Variants in PER1 observed in about 807,000 individuals in gnomAD.
PER1 encodes the protein period circadian protein homolog 1.
PER1 carries 87 observed loss-of-function variants against 125.9 expected under a neutral mutation model. The observed-to-expected ratio is 0.69, with a 90% confidence interval of 0.58 to 0.83. The LOEUF is 0.83. Among genes scored for constraint, PER1 ranks in the 40% least tolerant of loss-of-function variants. The pLI is 0.00. For synonymous variants in PER1, 801 were observed against 714.7 expected (o/e 1.12, Z -1.93); for missense variants, 1,775 against 1,722.8 (o/e 1.03, Z -0.54).
Position 8,141,326 on chromosome 17 carries a change from A to G in PER1, c.3615T>C (p.Cys1205=). The change falls in exon 23 of 23, where the codon TGT becomes TGC. Residue 1205 remains cysteine, a synonymous_variant. Transcript: ENST00000317276. ...GACCAGGATCTTGGGTGCTGCTCCC[A>G]CAGTCCACACAGGCCTTGGTGAGAG... ...RALDVMACVD[C]GSSTQDPGHP... The G allele has an allele frequency of 6.2e-7, 1 of 1,609,174 alleles. No homozygotes were observed.
chr17:8,148,951 G>A (rs1982638887), intron 7 of PER1, 165 bp from the exon 8 acceptor site: 1 of 759,774 alleles, frequency 1.3e-6, no homozygotes, highest in Non-Finnish European at 2.1e-6. Context: ...CACTTTGGGA[G>A]GCCAAGGCAG....
Position 8,150,857 on chromosome 17 carries a change from G to A in PER1, c.-139-12C>T, listed in dbSNP as rs1033874652. On this transcript the variant is annotated splice_polypyrimidine_tract_variant and intron_variant, in intron 1 of 22. Transcript: ENST00000317276. The stretch of plus-strand genomic sequence containing the variant: ...ATCACAGCCAGTACCTGGAGAGGGA[G>A]ACCAGGAAGCAGGGCTTGCAGAAAG... The A allele has an allele frequency of 2.4e-5, 16 of 665,134 alleles. No individual in the cohort carries two copies. The highest frequency in any genetic ancestry group is 7.3e-5 in the African/African-American group (4 of 54,860). 41.2% of individuals were successfully genotyped at this position (665,134 alleles called of 1,614,324 possible).
Position 8,143,438 on chromosome 17 carries a change from T to C in PER1, c.2900A>G (p.His967Arg). The C allele has an allele frequency of 1.2e-6, 2 of 1,609,066 alleles. No individual in the cohort carries two copies. Among genetic ancestry groups the C allele is most frequent in the East Asian group, 2.2e-5 (1 of 44,614 alleles). Residue 967 changes from histidine (H) to arginine (R), a missense_variant, in exon 19 of 23, where the codon CAC becomes CGC. By Grantham distance (29) the His-to-Arg change is conservative. Coordinates refer to ENST00000317276, the MANE Select transcript of PER1 (RefSeq NM_002616.3). ...GTTGAACAGTGGAGAGTCCGGGCGG[T>C]GAGGAGGACTCGGGGCGAGGGCGGG... ...SLPALAPSPP[H>R]RPDSPLFNSR...
At position 8,141,790 on chromosome 17, in the gene PER1, C is replaced by T. The variant is rs1982095891; in HGVS notation, c.3600+15G>A. The T allele has an allele frequency of 1.4e-6, 2 of 1,413,630 alleles. No individual in the cohort carries two copies. Among genetic ancestry groups the T allele is most frequent in the African/African-American group, 1.8e-5 (1 of 55,936 alleles). 87.6% of individuals were successfully genotyped at this position (1,413,630 alleles called of 1,614,324 possible). Reference sequence around the variant, plus strand: ...AGCTCAATTCTTTTTTCTCCCCGTCCCAGGCTTCTCTCACCATCACATCAA... The same window carrying T: ...AGCTCAATTCTTTTTTCTCCCCGTCTCAGGCTTCTCTCACCATCACATCAA... On this transcript the variant is annotated intron_variant, in intron 22 of 22. Coordinates refer to ENST00000317276, the MANE Select transcript of PER1 (RefSeq NM_002616.3).
At position 8,144,891 on chromosome 17, in the gene PER1, C is replaced by T. The variant is rs142186171; in HGVS notation, c.2321G>A (p.Arg774His). The T allele has an allele frequency of 1.5e-5, 23 of 1,560,682 alleles. No homozygotes were observed. Among genetic ancestry groups the T allele is most frequent in the East Asian group, 9.2e-5 (4 of 43,378 alleles). ...CACGGCCTTGGTCAGCCCCACTGGA[C>T]GGTAGGCGTCTGGGGCTGGGTCAGG... ...VAPDPAPDAY[R>H]PVGLTKAVLS... The change falls in exon 18 of 23, where the codon CGT becomes CAT. Residue 774 changes from arginine (R) to histidine (H), a missense_variant. Physicochemically the swap from Arg to His is conservative, Grantham distance 29. Transcript: ENST00000317276.
intron 18 of PER1, chr17:8,144,205 C>T (rs2151859793): frequency 4.9e-6 from 2 of 406,554 alleles, no homozygotes; most frequent in Non-Finnish European, 4.4e-6. Flanking sequence ...GGCTCTGGTC[C>T]GCCAAACTCC....
At chr17:8,147,961 A>T (rs1982564854) in intron 10 of PER1, 36 bp downstream of exon 10, 2 of 1,593,806 alleles carry the variant, frequency 1.3e-6, no homozygotes, top group Admixed American at 1.7e-5. Flanking sequence ...AAAGCCCAGG[A>T]CAGTGGGAAG....
chr17:8,141,043 C>T lies in PER1; in HGVS notation c.*25G>A. The T allele has an allele frequency of 6.3e-7, 1 of 1,595,572 alleles. No individual in the cohort carries two copies. Among genetic ancestry groups the T allele is most frequent in the Non-Finnish European group, 8.6e-7 (1 of 1,168,670 alleles). ...AGGAGAAGAAAGCCTCTCATGGACT[C>T]CTGGAGATGGTCCCAGAATGGAGTC... On this transcript the variant is annotated 3_prime_UTR_variant, in exon 23 of 23. Coordinates refer to ENST00000317276, the MANE Select transcript of PER1 (RefSeq NM_002616.3).
In PER1 at chr17:8,147,301, G is replaced by A. The variant is rs759333563; in HGVS notation, c.1578C>T (p.Ser526=). The change falls in exon 13 of 23, where the codon TCC becomes TCT. Residue 526 remains serine (S), a synonymous_variant. Coordinates refer to ENST00000317276, the MANE Select transcript of PER1 (RefSeq NM_002616.3). ...TSPGPLHSPG[S]SSDSNGGDAE... ...CATCACCCCCGTTGCTATCACTGGA[G>A]GACCCAGGGCTGTGGAGAGGGCCTG... 1.2e-6 allele frequency: 2 copies of A among 1,613,522 alleles called. No individual in the cohort carries two copies. The highest frequency in any genetic ancestry group is 1.7e-5 in the Admixed American group (1 of 59,972).
chr17:8,144,723 C>A, intron 18 of PER1, 28 bp downstream of exon 18: 2 of 1,548,314 alleles, frequency 1.3e-6, no homozygotes, highest in Admixed American at 1.9e-5. Context: ...GGGCAGAGGG[C>A]AGGCTCCAGG....
chr17:8,148,517 T>C (rs936914501), intron 8 of PER1, 127 bp downstream of exon 8: 8 of 1,225,330 alleles, frequency 6.5e-6, no homozygotes, highest in East Asian at 4.7e-5. Context: ...CAAATCCTCA[T>C]CTTTACAATA....
Position 8,142,885 on chromosome 17 carries a change from C to T in PER1, c.3073-50G>A, listed in dbSNP as rs761566844. The T allele has an allele frequency of 6.4e-6, 9 of 1,412,490 alleles. No individual in the cohort carries two copies. The African/African-American group carries it at 7.1e-5, about 11-fold the overall frequency. 87.5% of individuals were successfully genotyped at this position (1,412,490 alleles called of 1,614,324 possible). A position where few individuals can be genotyped will look rare whatever the true frequency, so the allele number is the denominator to read the frequency against. On this transcript the variant is annotated intron_variant, in intron 19 of 22. Coordinates refer to ENST00000317276, the MANE Select transcript of PER1 (RefSeq NM_002616.3). ...AGGGATGGAGGGGTCAGCACCTAGG[C>T]CTCCCTTCAACTGCTCTTACTGGTT...
rs146151077 is a variant in PER1, at chr17:8,142,640, G to A, written c.3259+9C>T. 11,343 of 1,613,094 alleles carry A rather than the reference G, an allele frequency of 7.0e-3. 48 individuals are homozygous for A. The highest frequency in any genetic ancestry group is 8.5e-3 in the Non-Finnish European group (9,983 of 1,179,352). The stretch of plus-strand genomic sequence containing the variant: ...CTACCCTGGGAGATGCTGGAGGCGG[G>A]GTACTCACGAGTGATGCTGGCTGAG... On this transcript the variant is annotated intron_variant, in intron 20 of 22. Coordinates refer to ENST00000317276, the MANE Select transcript of PER1 (RefSeq NM_002616.3).
rs774331616 is a variant in PER1 at position 8,149,593 on chromosome 17, A to C, written c.722T>G (p.Leu241Arg). The change falls in exon 6 of 23, where the codon CTG becomes CGG. Residue 241 changes from leucine to arginine, a missense_variant. Coordinates refer to ENST00000317276, the MANE Select transcript of PER1 (RefSeq NM_002616.3). ...GAACACGTCCCGCTTGCAACGCAGC[A>C]GGACGGCTGCCTGCTCCGAAATGTA... ...IVYISEQAAVLLRCKRDVFRG... is the reference protein window; with the variant it reads ...IVYISEQAAVRLRCKRDVFRG... The C allele has an allele frequency of 1.9e-6, 3 of 1,613,560 alleles. No individual in the cohort carries two copies. In the South Asian group the frequency reaches 3.3e-5, roughly 18 times the overall value.
At position 8,146,758 on chromosome 17, in the gene PER1, G is replaced by A. The variant is rs1325043022; in HGVS notation, c.1743C>T (p.Gly581=). The A allele has an allele frequency of 1.9e-6, 3 of 1,609,706 alleles. No homozygotes were observed. Among genetic ancestry groups the A allele is most frequent in the Admixed American group, 1.7e-5 (1 of 58,714 alleles). ...AGGGAAGGGCCTTGGCCTTGAACGTGCCTGTAGCTGGGGCAAAGAGAGAAA... is the reference window on the plus strand; with the variant it reads ...AGGGAAGGGCCTTGGCCTTGAACGTACCTGTAGCTGGGGCAAAGAGAGAAA... ...PQSRPRLPAT[G]TFKAKALPCQ... is the part of the protein sequence containing the mutation. Residue 581 remains glycine (G), a synonymous_variant, in exon 15 of 23, where the codon GGC becomes GGT. Transcript: ENST00000317276.
In PER1 at chr17:8,140,882, T is replaced by C; in HGVS notation, c.*186A>G. 1.6e-6 allele frequency: 1 copy of C among 636,604 alleles called. No individual in the cohort carries two copies. Among genetic ancestry groups the C allele is most frequent in the Non-Finnish European group, 2.7e-6 (1 of 369,550 alleles). The allele number at this position is 636,604 out of a possible 1,614,324, so 39.4% of individuals were successfully genotyped here. ...TGGGCTGGGCTGCGGAGTTCTGCTC[T>C]CTGCTCCCTAAGAGGCCAGAGGCAG... On this transcript the variant is annotated 3_prime_UTR_variant, in exon 23 of 23. Coordinates refer to ENST00000317276, the MANE Select transcript of PER1 (RefSeq NM_002616.3).
At position 8,142,361 on chromosome 17, in the gene PER1, G is replaced by A. The variant is rs755144407; in HGVS notation, c.3357C>T (p.Asp1119=). The part of the protein sequence containing the change: ...GAARGGAEPG[D]QVIKYVLQDP... ...CCTGGAGCACGTACTTAATCACCTGGTCCCCAGGCTCAGCCCCGCCCCGAG... is the reference window on the plus strand; with the variant it reads ...CCTGGAGCACGTACTTAATCACCTGATCCCCAGGCTCAGCCCCGCCCCGAG... Residue 1119 remains aspartate (D), a synonymous_variant, in exon 21 of 23, where the codon GAC becomes GAT. Coordinates refer to ENST00000317276, the MANE Select transcript of PER1 (RefSeq NM_002616.3). 89 of 1,613,720 alleles carry A rather than the reference G, an allele frequency of 5.5e-5. No homozygotes were observed. Among genetic ancestry groups the A allele is most frequent in the Non-Finnish European group, 7.5e-5 (88 of 1,179,942 alleles).
chr17:8,146,025 G>A lies in PER1; in HGVS notation c.2151C>T (p.Ser717=), dbSNP rs780086624. 5.0e-6 allele frequency: 8 copies of A among 1,613,984 alleles called. No homozygotes were observed. Among genetic ancestry groups the A allele is most frequent in the South Asian group, 3.3e-5 (3 of 91,068 alleles). ...AGCTGAAGCTACACTGACTGGTGACGGACACCACACTCTCCGCCTTATTGG... is the reference window on the plus strand; with the variant it reads ...AGCTGAAGCTACACTGACTGGTGACAGACACCACACTCTCCGCCTTATTGG... The part of the protein sequence containing the change: ...ALANKAESVV[S]VTSQCSFSST... Residue 717 remains serine (S), a synonymous_variant, in exon 17 of 23, where the codon TCC becomes TCT. Coordinates refer to ENST00000317276, the MANE Select transcript of PER1 (RefSeq NM_002616.3).
chr17:8,142,592 C>T, intron 20 of PER1, 57 bp downstream of exon 20: 1 of 1,593,436 alleles, frequency 6.3e-7, no homozygotes, highest in Non-Finnish European at 8.6e-7. Flanking sequence ...GGGGCCTGGG[C>T]TCCCGGCTCC....
Sources: gnomAD v4.1 joint callset for allele counts on GRCh38, gnomAD v4.1.1 for gene constraint, MANE v1.5 for transcripts, NCBI Gene and HGNC (gene_info 2026-07-23, HGNC 2026-07-21) for gene names.